NELL1: variants seen among roughly 807,000 people sequenced by gnomAD.
NELL1 encodes the protein neural EGFL like 1.
In NELL1, 76 loss-of-function variants were observed where a neutral mutation model predicts 107.4. The ratio of observed to expected loss-of-function variants is 0.71; its 90% confidence interval spans 0.59 to 0.86. The LOEUF (loss-of-function observed/expected upper bound fraction) is 0.86. Ranked by LOEUF, NELL1 falls within the 40% of genes least tolerant of loss-of-function variation. The pLI is 0.00. For synonymous variants in NELL1, 353 were observed against 341.2 expected (o/e 1.03, Z -0.38); for missense variants, 1,024 against 1,005.5 (o/e 1.02, Z -0.25).
At chr11:20,901,000 C>T (rs1244886413) in intron 5 of NELL1, among the ~76,000 whole-genome samples, 1 of 152,028 alleles carries the variant, frequency 6.6e-6, no homozygotes, top group African/African-American at 2.4e-5. Flanking sequence ...ATGAAGTAAA[C>T]ATACATCAAA....
At chr11:21,516,715 T>G (rs967216952) in intron 15 of NELL1, among the ~76,000 whole-genome samples, 1 of 150,390 alleles carries the variant, frequency 6.6e-6, no homozygotes. Flanking sequence ...GTATACATGG[T>G]CTGTCAATCA....
At chr11:20,842,404 A>G (rs1476370549) in intron 3 of NELL1, among the ~76,000 whole-genome samples, 1 of 151,994 alleles carries the variant, frequency 6.6e-6, no homozygotes, top group African/African-American at 2.4e-5. Flanking sequence ...AGCATGAACA[A>G]CTGTAGCATT....
At chr11:21,509,655 TAAAG>T (rs1362561730) in intron 15 of NELL1, among the ~76,000 whole-genome samples, 1 of 152,148 alleles carries the variant, frequency 6.6e-6, no homozygotes, top group Non-Finnish European at 1.5e-5. Context: ...GATTCATACA[TAAAG>T]AAATACACAG....
chr11:21,243,942 A>G (rs529789966), intron 14 of NELL1, among the ~76,000 whole-genome samples: 1 of 152,208 alleles, frequency 6.6e-6, no homozygotes, highest in East Asian at 1.9e-4. Flanking sequence ...GGTACTTTCC[A>G]TTATTTTTTT....
rs551446821 is a variant in NELL1 at position 21,412,514 on chromosome 11, G to T, written c.1645+41566G>T. ...ATGCAAAATCACCCAGTTAATAAAT[G>T]ACAGAACCAAGATTTGAACCCATGT... On this transcript the variant is annotated intron_variant, in intron 15 of 19. Coordinates refer to ENST00000357134, the MANE Select transcript of NELL1 (RefSeq NM_006157.5). Among the ~76,000 whole-genome samples, 5 of 152,142 alleles carry T rather than the reference G, an allele frequency of 3.3e-5. No individual in the cohort carries two copies. The South Asian group carries it at 1.0e-3, about 32-fold the overall frequency.
rs566665847 is a variant in NELL1, at chr11:21,399,321, A to G, written c.1645+28373A>G. Among the ~76,000 whole-genome samples the G allele has an allele frequency of 9.2e-5, 14 of 151,822 alleles. No individual in the cohort carries two copies. In the East Asian group the frequency reaches 2.7e-3, roughly 30 times the overall value. On this transcript the variant is annotated intron_variant, in intron 15 of 19. Transcript: ENST00000357134. ...TGTCAAGTTGTGTCGGTGGTTGACA[A>G]TCGCTTCAGTTGCTATTTAGGTATT...
intron 13 of NELL1, among the ~76,000 whole-genome samples, chr11:21,223,708 C>T (rs1391644846): frequency 1.3e-5 from 2 of 151,928 alleles, no homozygotes; most frequent in Non-Finnish European, 2.9e-5. Flanking sequence ...TGTGTGATCC[C>T]ATTCTCTTTG....
At chr11:21,427,631 G>C (rs1852858038) in intron 15 of NELL1, among the ~76,000 whole-genome samples, 1 of 152,200 alleles carries the variant, frequency 6.6e-6, no homozygotes, top group African/African-American at 2.4e-5. Context: ...AACACTTAGG[G>C]AGGGAGAGGT....
chr11:21,406,402 T>C (rs1852237353), intron 15 of NELL1, among the ~76,000 whole-genome samples: 1 of 83,714 alleles, frequency 1.2e-5, no homozygotes, highest in Non-Finnish European at 2.5e-5. Flanking sequence ...AATTTTCCAA[T>C]AATAATAATT....
chr11:21,451,229 A>G (rs1317561729), intron 15 of NELL1, among the ~76,000 whole-genome samples: 1 of 151,870 alleles, frequency 6.6e-6, no homozygotes, highest in African/African-American at 2.4e-5. Flanking sequence ...AAGAAAAAGA[A>G]AAAAGAAATT....
At chr11:21,470,862 ACT>A (rs1457211743) in intron 15 of NELL1, among the ~76,000 whole-genome samples, 2 of 151,936 alleles carry the variant, frequency 1.3e-5, no homozygotes, top group African/African-American at 4.8e-5. Flanking sequence ...AAGGATTTAA[ACT>A]CTCTGAGAAT....
At position 20,750,562 on chromosome 11, in the gene NELL1, A is replaced by AATTATT. The variant is rs113562957; in HGVS notation, c.185-33096_185-33091dup. Reference sequence around the variant, plus strand: ...ATGTTTAGTATATAATGTACCTCGGAATTATTATTATTATTATTATTATTA... The same window carrying AATTATT: ...ATGTTTAGTATATAATGTACCTCGGAATTATTATTATTATTATTATTATTATTATTA... On this transcript the variant is annotated intron_variant, in intron 2 of 19. Transcript: ENST00000357134. 2.9e-3 allele frequency among the ~76,000 whole-genome samples: 438 copies of AATTATT among 149,692 alleles called. 2 individuals carry two copies. The highest frequency in any genetic ancestry group is 0.01 in the African/African-American group (407 of 40,628).
At chr11:21,527,691 G>A (rs1342888869) in intron 15 of NELL1, among the ~76,000 whole-genome samples, 1 of 152,202 alleles carries the variant, frequency 6.6e-6, no homozygotes, top group Non-Finnish European at 1.5e-5. Flanking sequence ...ATTTGATAGT[G>A]CAGCCTTCAG....
intron 13 of NELL1, among the ~76,000 whole-genome samples, chr11:21,216,255 G>T (rs1181024078): frequency 2.0e-5 from 3 of 152,204 alleles, no homozygotes; most frequent in Non-Finnish European, 2.9e-5. Context: ...GAAATGCTTG[G>T]TTGTCCAGGC....
intron 2 of NELL1, among the ~76,000 whole-genome samples, chr11:20,709,009 A>G (rs1219222769): frequency 2.0e-5 from 3 of 152,132 alleles, no homozygotes; most frequent in African/African-American, 7.2e-5. Flanking sequence ...TCCTATGAGA[A>G]TCTAATGCTG....
chr11:20,869,214 A>T (rs1185151413), intron 4 of NELL1, among the ~76,000 whole-genome samples: 2 of 152,126 alleles, frequency 1.3e-5, no homozygotes, highest in African/African-American at 2.4e-5. Context: ...GTGCCTAGTA[A>T]TGCCCAGTCA....
intron 16 of NELL1, among the ~76,000 whole-genome samples, chr11:21,550,409 C>T (rs1172251614): frequency 2.6e-5 from 4 of 151,846 alleles, no homozygotes. Flanking sequence ...ACCTGAAGTC[C>T]TTGCCCGTGC....
At chr11:21,408,230 A>T (rs1852282497) in intron 15 of NELL1, among the ~76,000 whole-genome samples, 1 of 152,050 alleles carries the variant, frequency 6.6e-6, no homozygotes, top group Admixed American at 6.6e-5. Flanking sequence ...TTCAACTGGC[A>T]TTCTCATTAT....
intron 13 of NELL1, among the ~76,000 whole-genome samples, chr11:21,132,447 A>T (rs1021392191): frequency 1.3e-5 from 2 of 152,176 alleles, no homozygotes; most frequent in African/African-American, 4.8e-5. Flanking sequence ...AGGGTGAGCC[A>T]GGTACAGAGC....
Sources: allele counts gnomAD v4.1 joint callset (sites outside exome capture counted in the v4.1 genomes callset), GRCh38; gene constraint gnomAD v4.1.1; transcripts MANE v1.5; gene names NCBI Gene and HGNC (gene_info 2026-07-23, HGNC 2026-07-21).